CNTNAP5: variants seen among roughly 807,000 people sequenced by gnomAD.
The protein encoded by CNTNAP5 is contactin associated protein family member 5.
CNTNAP5 carries 72 observed loss-of-function variants against 150.2 expected under a neutral mutation model. The ratio of observed to expected loss-of-function variants is 0.48; its 90% CI spans 0.40 to 0.58. The LOEUF (loss-of-function observed/expected upper bound fraction) is 0.58. CNTNAP5 is among the 20% of genes least tolerant of loss of function. The pLI, the probability that CNTNAP5 is intolerant of heterozygous loss-of-function variation, is 0.00. For missense variants in CNTNAP5, 1,636 were observed against 1,626.2 expected, an observed-to-expected ratio of 1.01 and a Z score of -0.10; for synonymous variants, 672 against 619.8, an observed-to-expected ratio of 1.08 and a Z score of -1.25.
chr2:124,388,755 G>A (rs1204264177), intron 3 of CNTNAP5, among the ~76,000 whole-genome samples: 1 of 152,002 alleles, frequency 6.6e-6, no homozygotes, highest in South Asian at 2.1e-4. Flanking sequence ...GACTCCACTG[G>A]CTTCAATCTC....
At chr2:124,565,427 G>A (rs914943716) in intron 11 of CNTNAP5, among the ~76,000 whole-genome samples, 2 of 151,412 alleles carry the variant, frequency 1.3e-5, no homozygotes, top group African/African-American at 2.4e-5. Flanking sequence ...ATTGTATGCC[G>A]GTACCAAAAT....
intron 21 of CNTNAP5, among the ~76,000 whole-genome samples, chr2:124,901,927 C>T (rs895683597): frequency 1.3e-4 from 20 of 152,100 alleles, no homozygotes; most frequent in African/African-American, 4.8e-4. Context: ...TCAGTGGAGG[C>T]TCTTTGACCA....
intron 10 of CNTNAP5, among the ~76,000 whole-genome samples, chr2:124,539,016 C>T (rs1024758862): frequency 7.2e-5 from 11 of 152,132 alleles, no homozygotes; most frequent in African/African-American, 1.2e-4. Context: ...GCCCTTGAGG[C>T]GAAGCACCTG....
At chr2:124,457,070 T>C (rs1693137008) in intron 6 of CNTNAP5, among the ~76,000 whole-genome samples, 1 of 152,172 alleles carries the variant, frequency 6.6e-6, no homozygotes, top group Non-Finnish European at 1.5e-5. Context: ...TAGCTGGAAC[T>C]TAATTAAACT....
chr2:124,378,470 A>G (rs188605634), intron 3 of CNTNAP5, among the ~76,000 whole-genome samples: 1 of 152,126 alleles, frequency 6.6e-6, no homozygotes, highest in Non-Finnish European at 1.5e-5. Flanking sequence ...ACATATTATC[A>G]ATGTAAAACA....
intron 13 of CNTNAP5, among the ~76,000 whole-genome samples, chr2:124,745,833 T>C (rs957818155): frequency 2.6e-5 from 4 of 152,180 alleles, no homozygotes; most frequent in Non-Finnish European, 5.9e-5. Flanking sequence ...AAGTACCTTC[T>C]GTATGTTTTT....
chr2:124,898,858 G>A (rs564846953), intron 21 of CNTNAP5, among the ~76,000 whole-genome samples: 24 of 151,438 alleles, frequency 1.6e-4, no homozygotes, highest in South Asian at 2.1e-4. Flanking sequence ...CACTCCCCCC[G>A]GCCTCCTCCT....
At chr2:124,879,859 G>A (rs1217827624) in intron 21 of CNTNAP5, among the ~76,000 whole-genome samples, 1 of 152,072 alleles carries the variant, frequency 6.6e-6, no homozygotes, top group East Asian at 1.9e-4. Flanking sequence ...ATGTTGACAA[G>A]GTAATGAAGT....
intron 1 of CNTNAP5, among the ~76,000 whole-genome samples, chr2:124,028,978 A>G (rs1680969358): frequency 6.6e-6 from 1 of 152,174 alleles, no homozygotes; most frequent in South Asian, 2.1e-4. Flanking sequence ...CATGGAGCAC[A>G]TATGGGGTCA....
chr2:124,778,718 T>G (rs2104617842), intron 17 of CNTNAP5: 1 of 152,282 alleles, frequency 6.6e-6, no homozygotes, highest in Middle Eastern at 3.4e-3. Context: ...GGAGGGAAAT[T>G]ATAAGCCTAC....
intron 2 of CNTNAP5, among the ~76,000 whole-genome samples, chr2:124,225,728 T>C (rs1686441346): frequency 6.6e-6 from 1 of 152,178 alleles, no homozygotes; most frequent in African/African-American, 2.4e-5. Context: ...TCAGAGAATG[T>C]ATTCATATTA....
At chr2:124,145,812 T>TAAAAAAAAAAAAAAAAAAAG in intron 1 of CNTNAP5, among the ~76,000 whole-genome samples, 1 of 64,196 alleles carries the variant, frequency 1.6e-5, no homozygotes, top group Non-Finnish European at 2.6e-5. Context: ...AAAAAAACAT[T>TAAAAAAAAAAAAAAAAAAAG]AAAAAAAAAA....
chr2:124,697,153 C>G (rs199949384), intron 13 of CNTNAP5, among the ~76,000 whole-genome samples: 2 of 152,094 alleles, frequency 1.3e-5, no homozygotes, highest in East Asian at 3.9e-4. Flanking sequence ...TGAGACAATA[C>G]TATGGAGTTC....
rs1558742887 is a variant in CNTNAP5 at position 124,706,772 on chromosome 2, A to AGAG, written c.2078-40455_2078-40454insGGA. ...AAGAAGAAGAAGAAGAAGAAGAAGA[A>AGAG]GAAGAAGAAGAAGAAGAAGAAGAAG... On this transcript the variant is annotated intron_variant, in intron 13 of 23. Coordinates refer to ENST00000682447, the MANE Select transcript of CNTNAP5 (RefSeq NM_001367498.1). 2.0e-4 allele frequency among the ~76,000 whole-genome samples: 8 copies of AGAG among 39,260 alleles called. 1 individual carries two copies. Among genetic ancestry groups the AGAG allele is most frequent in the African/African-American group, 8.9e-4 (8 of 8,974 alleles). The allele number at this position is 39,260 out of a possible 152,430, so 25.8% of individuals were successfully genotyped here.
In CNTNAP5 at chr2:124,349,327, A is replaced by G. The variant is rs200000836; in HGVS notation, c.382-68116A>G. Among the ~76,000 whole-genome samples, 4 of 152,322 alleles carry G rather than the reference A, an allele frequency of 2.6e-5. No individual in the cohort carries two copies. In the East Asian group the frequency reaches 5.8e-4, roughly 22 times the overall value. The stretch of plus-strand genomic sequence containing the variant: ...TAATGGTGTTTGCATATCTAAACCT[A>G]GGAAAGGTAGAATAAAAAATGTTGT... On this transcript the variant is annotated intron_variant, in intron 3 of 23. Transcript: ENST00000682447.
chr2:124,365,231 G>A (rs557961523), intron 3 of CNTNAP5, among the ~76,000 whole-genome samples: 5 of 151,628 alleles, frequency 3.3e-5, no homozygotes, highest in East Asian at 2.0e-4. Flanking sequence ...TGGGAGGTCC[G>A]CTTGAGCCTA....
intron 4 of CNTNAP5, among the ~76,000 whole-genome samples, chr2:124,419,151 A>AAAAAAAAAAAAAC (rs1558893402): frequency 2.1e-5 from 3 of 141,552 alleles, no homozygotes; most frequent in Non-Finnish European, 3.1e-5. Flanking sequence ...AAAAAAAAAA[A>AAAAAAAAAAAAAC]AAAAAAAAAA....
intron 13 of CNTNAP5, among the ~76,000 whole-genome samples, chr2:124,688,521 C>T (rs182433019): frequency 2.8e-4 from 43 of 151,978 alleles, no homozygotes; most frequent in Admixed American, 2.6e-4. Flanking sequence ...GATAGAATGA[C>T]GTAGAATTTT....
chr2:124,727,244 A>AT (rs1467049920), intron 13 of CNTNAP5, among the ~76,000 whole-genome samples: 1 of 151,962 alleles, frequency 6.6e-6, no homozygotes, highest in Non-Finnish European at 1.5e-5. Flanking sequence ...GTAGCTTTAT[A>AT]TTTGAAATAA....
Sources: gnomAD v4.1 joint callset for allele counts (sites outside exome capture counted in the v4.1 genomes callset) on GRCh38, gnomAD v4.1.1 for gene constraint, MANE v1.5 for transcripts, NCBI Gene and HGNC (gene_info 2026-07-23, HGNC 2026-07-21) for gene names.